The following TPST1 variants were observed in gnomAD, a reference collection of about 807,000 sequenced individuals.
TPST1 encodes protein-tyrosine sulfotransferase 1.
Under a neutral mutation model 34.8 loss-of-function variants are expected in TPST1, and 20 were observed. That is an observed-to-expected ratio of 0.57 (90% CI 0.40 to 0.84). The LOEUF is 0.84. Among genes scored for constraint, TPST1 ranks in the 40% least tolerant of loss-of-function variants. TPST1 has a pLI of 0.00. For synonymous variants in TPST1, 152 were observed against 159.4 expected (o/e 0.95, Z 0.35); for missense variants, 353 against 455.5 (o/e 0.78, Z 2.05).
intron 3 of TPST1, among the ~76,000 whole-genome samples, chr7:66,331,513 C>A (rs1791994812): frequency 6.6e-6 from 1 of 152,172 alleles, no homozygotes; most frequent in Non-Finnish European, 1.5e-5. Flanking sequence ...GGGACCAAAT[C>A]TTAATAATTT....
chr7:66,293,110 G>T (rs1164858508), intron 3 of TPST1, among the ~76,000 whole-genome samples: 3 of 152,134 alleles, frequency 2.0e-5, no homozygotes, highest in Admixed American at 2.0e-4. Context: ...GGAGGCTGTG[G>T]CAGGAGAATG....
At chr7:66,210,781 T>C (rs1789226073) in intron 1 of TPST1, among the ~76,000 whole-genome samples, 1 of 152,028 alleles carries the variant, frequency 6.6e-6, no homozygotes, top group African/African-American at 2.4e-5. Context: ...CTGGGCAACA[T>C]AGCAAGATCC....
chr7:66,220,112 C>T (rs1332555985), intron 1 of TPST1, among the ~76,000 whole-genome samples: 1 of 151,948 alleles, frequency 6.6e-6, no homozygotes, highest in Admixed American at 6.6e-5. Context: ...CATATTATAA[C>T]ACTGGAACCA....
At chr7:66,322,655 A>G (rs1791780718) in intron 3 of TPST1, among the ~76,000 whole-genome samples, 1 of 152,282 alleles carries the variant, frequency 6.6e-6, no homozygotes, top group African/African-American at 2.4e-5. Context: ...GGTTGCTTCC[A>G]TTTCTTGGCT....
chr7:66,320,889 T>A (rs1192523073), intron 3 of TPST1, among the ~76,000 whole-genome samples: 1 of 152,166 alleles, frequency 6.6e-6, no homozygotes, highest in Non-Finnish European at 1.5e-5. Flanking sequence ...TGAGCCACCG[T>A]GCCCGGCCTT....
intron 2 of TPST1, among the ~76,000 whole-genome samples, chr7:66,248,362 CAAAG>C (rs756175046): frequency 6.6e-6 from 1 of 151,746 alleles, no homozygotes; most frequent in Admixed American, 6.6e-5. Flanking sequence ...TTGGATTTAA[CAAAG>C]AAAACTGAAG....
intron 2 of TPST1, among the ~76,000 whole-genome samples, chr7:66,249,265 G>C (rs1481236213): frequency 2.6e-5 from 4 of 151,350 alleles, no homozygotes; most frequent in African/African-American, 9.7e-5. Flanking sequence ...ATTTTGCCAA[G>C]ATGAAGTGTA....
chr7:66,336,487 G>A (rs1179128869), intron 3 of TPST1, among the ~76,000 whole-genome samples: 9 of 152,152 alleles, frequency 5.9e-5, no homozygotes, highest in Admixed American at 5.9e-4. Context: ...TCATTGGAAA[G>A]CTTTAGCAGC....
upstream of TPST1, among the ~76,000 whole-genome samples, chr7:66,202,395 G>A (rs143552767): frequency 6.6e-5 from 10 of 152,282 alleles, no homozygotes; most frequent in Non-Finnish European, 2.9e-5. Flanking sequence ...TGAAAGGATC[G>A]TGTCCTTTCT....
chr7:66,353,271 T>G (rs1225341393), intron 4 of TPST1, among the ~76,000 whole-genome samples: 1 of 152,022 alleles, frequency 6.6e-6, no homozygotes, highest in Non-Finnish European at 1.5e-5. Context: ...ATTACACCAC[T>G]GCACTACAGC....
At chr7:66,292,585 A>G (rs1464029646) in intron 3 of TPST1, among the ~76,000 whole-genome samples, 2 of 102,388 alleles carry the variant, frequency 2.0e-5, no homozygotes, top group Non-Finnish European at 4.0e-5. Flanking sequence ...AGCCAGTCTG[A>G]AAAGCGCAAT....
At chr7:66,227,051 T>TTTTTTTTG (rs1789672711) in intron 1 of TPST1, among the ~76,000 whole-genome samples, 1 of 144,740 alleles carries the variant, frequency 6.9e-6, no homozygotes, top group Admixed American at 7.0e-5. Context: ...TTTTTTTTTT[T>TTTTTTTTG]GAGATGGAGT....
In TPST1 at chr7:66,232,193, TAA is replaced by T. The variant is rs369843074; in HGVS notation, c.-101-8125_-101-8124del. On this transcript the variant is annotated intron_variant, in intron 1 of 5. Coordinates refer to ENST00000304842, the MANE Select transcript of TPST1 (RefSeq NM_003596.4). ...TTTTTTAATTTATTTTGTTTCTTAT[TAA>T]AAAAAATTTTTTTTTTTTTTTTTTT... Among the ~76,000 whole-genome samples the T allele has an allele frequency of 3.3e-3, 462 of 139,176 alleles. 2 individuals are homozygous for T. The highest frequency in any genetic ancestry group is 4.8e-3 in the Non-Finnish European group (316 of 66,028). The allele number at this position is 139,176 out of a possible 152,430, so 91.3% of individuals were successfully genotyped here.
At chr7:66,218,584 G>A (rs1789474084) in intron 1 of TPST1, among the ~76,000 whole-genome samples, 1 of 152,130 alleles carries the variant, frequency 6.6e-6, no homozygotes, top group Non-Finnish European at 1.5e-5. Context: ...GGTGGCTCAC[G>A]CCTGTAATCC....
chr7:66,245,466 G>A (rs1330817461), intron 2 of TPST1, among the ~76,000 whole-genome samples: 3 of 152,234 alleles, frequency 2.0e-5, no homozygotes, highest in African/African-American at 7.2e-5. Flanking sequence ...GGTGGTGGAG[G>A]ATGAGAAACC....
At chr7:66,337,114 G>A (rs1186336777) in intron 3 of TPST1, among the ~76,000 whole-genome samples, 2 of 152,084 alleles carry the variant, frequency 1.3e-5, no homozygotes. Context: ...GCTAAAGGGA[G>A]CTGTTCAGTC....
chr7:66,261,232 C>CTTTTTTTTTT (rs36114007), intron 2 of TPST1, among the ~76,000 whole-genome samples: 14 of 126,624 alleles, frequency 1.1e-4, no homozygotes, highest in South Asian at 2.6e-4. Context: ...CGTATATTGT[C>CTTTTTTTTTT]TTTTTTTTTT....
chr7:66,321,606 T>A (rs1467238224), intron 3 of TPST1, among the ~76,000 whole-genome samples: 1 of 152,232 alleles, frequency 6.6e-6, no homozygotes, highest in Non-Finnish European at 1.5e-5. Flanking sequence ...CAGCAGAGAT[T>A]GAAAAGGATG....
chr7:66,305,366 T>G (rs79158222), intron 3 of TPST1, among the ~76,000 whole-genome samples: 2,389 of 152,226 alleles, frequency 0.016, 62 homozygotes, highest in East Asian at 0.093. Flanking sequence ...CTTTGCCTGG[T>G]GGGGTGGCCT....
Sources: gnomAD v4.1 joint callset for allele counts (sites outside exome capture counted in the v4.1 genomes callset) on GRCh38, gnomAD v4.1.1 for gene constraint, MANE v1.5 for transcripts, NCBI Gene and HGNC (gene_info 2026-07-23, HGNC 2026-07-21) for gene names.